LLGL2: variants seen among roughly 807,000 people sequenced by gnomAD.
LLGL2 encodes LLGL scribble cell polarity complex component 2, also known as LLGL2, scribble cell polarity complex component.
A neutral mutation model predicts 123.2 loss-of-function variants in LLGL2; 81 were observed. That is an observed-to-expected ratio of 0.66 (90% CI 0.55 to 0.79). The LOEUF is 0.79. LLGL2 is among the 30% of genes least tolerant of loss of function. The pLI, the probability that LLGL2 is intolerant of heterozygous loss-of-function variation, is 0.00. For missense variants in LLGL2, 1,273 were observed against 1,414.6 expected, an observed-to-expected ratio of 0.90 and a Z score of 1.61; for synonymous variants, 577 against 594.1, an observed-to-expected ratio of 0.97 and a Z score of 0.42.
At position 75,559,203 on chromosome 17, in the gene LLGL2, C is replaced by T; in HGVS notation, c.372-49C>T. ...AGTCAGGGGACCCCGTCCATGGCAT[C>T]TCCCCTGCTGGGCAGTGGTCGGCTC... is the stretch of plus-strand genomic sequence containing the variant. On this transcript the variant is annotated intron_variant, in intron 5 of 25. Transcript: ENST00000392550. This position sits in a 1 kb window ranked among gnomAD's most constrained non-coding sequence, Gnocchi z 4.6. 2 of 1,523,904 alleles carry T rather than the reference C, an allele frequency of 1.3e-6. No individual in the cohort carries two copies. Among genetic ancestry groups the T allele is most frequent in the Non-Finnish European group, 1.8e-6 (2 of 1,137,246 alleles). The allele number at this position is 1,523,904 out of a possible 1,614,324, so 94.4% of individuals were successfully genotyped here. A position where few individuals can be genotyped will look rare whatever the true frequency, so the allele number is the denominator to read the frequency against.
intron 1 of LLGL2, among the ~76,000 whole-genome samples, chr17:75,531,631 A>C (rs7502339): frequency 0.15 from 23,431 of 152,228 alleles, 2,247 homozygotes; most frequent in African/African-American, 0.26. Flanking sequence ...CAGTTTGCAG[A>C]GAGAAAACTG....
intron 1 of LLGL2, among the ~76,000 whole-genome samples, chr17:75,530,162 AT>A (rs2053723500): frequency 6.6e-6 from 1 of 152,024 alleles, no homozygotes; most frequent in Non-Finnish European, 1.5e-5. Context: ...GGTTTAGGGA[AT>A]TTGTCTTCTC....
chr17:75,528,467 G>A lies in LLGL2; in HGVS notation c.-31+2642G>A, dbSNP rs532227339. 1.5e-3 allele frequency among the ~76,000 whole-genome samples: 224 copies of A among 152,234 alleles called. 1 individual carries two copies. The highest frequency in any genetic ancestry group is 2.9e-3 in the Non-Finnish European group (195 of 68,002). ...ATTAAAAGAAAAAAAGGCCAGGCGT[G>A]GTGGCTTACACCTGTAATCTCAGCA... On this transcript the variant is annotated intron_variant, in intron 1 of 25. Coordinates refer to ENST00000392550, the MANE Select transcript of LLGL2 (RefSeq NM_001031803.2).
intron 7 of LLGL2, 33 bp downstream of exon 7, chr17:75,563,211 G>A (rs60263689): frequency 1.9e-6 from 3 of 1,611,038 alleles, no homozygotes; most frequent in Non-Finnish European, 2.5e-6. Context: ...CAGGCGCCAT[G>A]TTGCTCTCCC....
Position 75,559,187 on chromosome 17 carries a change from A to AC in LLGL2, c.372-61dup, listed in dbSNP as rs1375076249. 6.7e-7 allele frequency: 1 copy of AC among 1,482,886 alleles called. No individual in the cohort carries two copies. Among genetic ancestry groups the AC allele is most frequent in the Non-Finnish European group, 9.0e-7 (1 of 1,116,112 alleles). The allele number at this position is 1,482,886 out of a possible 1,614,324, so 91.9% of individuals were successfully genotyped here. On this transcript the variant is annotated intron_variant, in intron 5 of 25. Transcript: ENST00000392550. The surrounding 1 kb of genome is among the most constrained non-coding windows in gnomAD (Gnocchi z 4.6). ...GGCTTGTTTTCCGAGGAGTCAGGGG[A>AC]CCCCGTCCATGGCATCTCCCCTGCT...
chr17:75,533,990 GCTT>G (rs1568018386), intron 1 of LLGL2, among the ~76,000 whole-genome samples: 1 of 152,194 alleles, frequency 6.6e-6, no homozygotes. Context: ...ACATCTGGAA[GCTT>G]CTTGGGACAG....
chr17:75,568,673 A>G lies in LLGL2; in HGVS notation c.1234A>G (p.Asn412Asp), dbSNP rs1485346217. The G allele has an allele frequency of 1.2e-6, 2 of 1,613,512 alleles. No homozygotes were observed. The highest frequency in any genetic ancestry group is 1.7e-6 in the Non-Finnish European group (2 of 1,179,958). ...ERIIAAGSRQ[N>D]AHFSTMEWPI... ...GATCATTGCCGCCGGCAGCCGGCAG[A>G]ACGCACACTTCTCCACCATGGTAGG... The change falls in exon 11 of 26, where the codon AAC becomes GAC. Residue 412 changes from asparagine (N) to aspartate (D), a missense_variant. Asn to Asp is a conservative substitution (Grantham distance 23, BLOSUM62 1). Transcript: ENST00000392550.
chr17:75,573,060 C>T lies in LLGL2; in HGVS notation c.2507C>T (p.Thr836Met), dbSNP rs371517081. The change falls in exon 20 of 26, where the codon ACG (threonine) becomes ATG (methionine). Residue 836 changes from threonine to methionine, a missense_variant. Thr to Met is a moderately conservative substitution (Grantham distance 81). Coordinates refer to ENST00000392550, the MANE Select transcript of LLGL2 (RefSeq NM_001031803.2). ...AGTGCCAAGCTGAAGTTGAAGCTGA[C>T]GGCCCTGGAGGGCTCAAGAGTGCGG... ...KVSAKLKLKL[T>M]ALEGSRVRRV... 5.6e-6 allele frequency: 9 copies of T among 1,612,410 alleles called. No individual in the cohort carries two copies. The highest frequency in any genetic ancestry group is 1.3e-5 in the African/African-American group (1 of 75,006).
chr17:75,564,492 G>A lies in LLGL2; in HGVS notation c.1021G>A (p.Ala341Thr). 1.2e-6 allele frequency: 2 copies of A among 1,612,988 alleles called. No individual in the cohort carries two copies. The highest frequency in any genetic ancestry group is 2.2e-5 in the East Asian group (1 of 44,880). ...RVIGFTVLTE[A>T]DPAATFDDPY... ...CATCGGCTTCACTGTCCTCACAGAG[G>A]CAGACCCTGCAGCCAGTAGGAGAGC... The change falls in exon 10 of 26, where the codon GCA (alanine) becomes ACA (threonine). Residue 341 changes from alanine to threonine, a missense_variant. By Grantham distance (58) the Ala-to-Thr change is moderately conservative. Transcript: ENST00000392550. The surrounding 1 kb of genome is among the most constrained non-coding windows in gnomAD (Gnocchi z 4.9).
intron 1 of LLGL2, among the ~76,000 whole-genome samples, chr17:75,541,324 G>T (rs905660384): frequency 3.3e-5 from 5 of 152,242 alleles, no homozygotes; most frequent in African/African-American, 1.2e-4. Flanking sequence ...GGCCCCGGGT[G>T]GGGGTGTGAG....
At chr17:75,527,564 T>C (rs1241948306) in intron 1 of LLGL2, among the ~76,000 whole-genome samples, 1 of 151,998 alleles carries the variant, frequency 6.6e-6, no homozygotes, top group Non-Finnish European at 1.5e-5. Context: ...TAGAAAAAAG[T>C]AACTTTTTTC....
At chr17:75,527,922 G>A (rs1198330122) in intron 1 of LLGL2, among the ~76,000 whole-genome samples, 2 of 151,026 alleles carry the variant, frequency 1.3e-5, no homozygotes, top group African/African-American at 4.9e-5. Flanking sequence ...TGAGTAGCTG[G>A]GACTACAAGC....
upstream of LLGL2, chr17:75,525,086 G>A (rs572610734): frequency 1.3e-5 from 2 of 153,402 alleles, no homozygotes; most frequent in African/African-American, 2.4e-5. The surrounding 1 kb of genome is among the most constrained non-coding windows in gnomAD (Gnocchi z 4.8). Context: ...CGCCCTTTCC[G>A]CTCCCGCCTC....
chr17:75,570,455 G>C lies in LLGL2; in HGVS notation c.1982G>C (p.Arg661Pro). 6.3e-7 allele frequency: 1 copy of C among 1,594,514 alleles called. No individual in the cohort carries two copies. The highest frequency in any genetic ancestry group is 8.5e-7 in the Non-Finnish European group (1 of 1,171,792). Residue 661 changes from arginine to proline, a missense_variant, in exon 16 of 26, where the codon CGG (arginine) becomes CCG (proline). Arg to Pro is a moderately radical substitution (Grantham distance 103). Transcript: ENST00000392550. Reference protein sequence around the residue: ...RQSFRRMRRSRVSSRKRHPAG... With the variant: ...RQSFRRMRRSPVSSRKRHPAG... Reference sequence around the variant, plus strand: ...TCATTCCGCCGGATGCGTCGGAGCCGGGTGTCCAGCCGGAAGCGGCACCCG... The same window carrying C: ...TCATTCCGCCGGATGCGTCGGAGCCCGGTGTCCAGCCGGAAGCGGCACCCG...
chr17:75,551,271 G>A (rs2054659876), intron 2 of LLGL2, among the ~76,000 whole-genome samples: 1 of 152,122 alleles, frequency 6.6e-6, no homozygotes, highest in Non-Finnish European at 1.5e-5. Flanking sequence ...TGTGTGTGCT[G>A]CAGGGTGGCC....
In LLGL2 at chr17:75,569,999, C is replaced by T; in HGVS notation, c.1618C>T (p.Gln540Ter). ...GGAACTGAATGACGAGGCAGCGGAGCAGGCTGTGGAGCAGGTGGAGGCCGA... is the reference window on the plus strand; with the variant it reads ...GGAACTGAATGACGAGGCAGCGGAGTAGGCTGTGGAGCAGGTGGAGGCCGA... Reference protein sequence around the residue: ...VLELNDEAAEQAVEQVEADLL... With the variant: ...VLELNDEAAE The change falls in exon 15 of 26, where the codon CAG becomes TAG. Residue 540 changes from glutamine to a stop codon, truncating the protein, a stop_gained. Coordinates refer to ENST00000392550, the MANE Select transcript of LLGL2 (RefSeq NM_001031803.2). LOFTEE classifies it high-confidence loss of function. The T allele has an allele frequency of 6.2e-7, 1 of 1,608,184 alleles. No homozygotes were observed. The highest frequency in any genetic ancestry group is 1.1e-5 in the South Asian group (1 of 90,718).
chr17:75,563,595 C>T (rs2055320479), intron 8 of LLGL2, 132 bp downstream of exon 8: 4 of 1,482,974 alleles, frequency 2.7e-6, no homozygotes, highest in South Asian at 2.4e-5. Flanking sequence ...CAGCAGGGTT[C>T]GCCTCACCCA....
intron 1 of LLGL2, among the ~76,000 whole-genome samples, chr17:75,532,082 T>TACACACACACACAC (rs2053817635): frequency 3.2e-5 from 1 of 30,876 alleles, no homozygotes; most frequent in Non-Finnish European, 1.2e-4. Flanking sequence ...ACACACTTTT[T>TACACACACACACAC]TTTTTTTTTT....
In LLGL2 at chr17:75,544,715, G is replaced by C. The variant is rs1568030809; in HGVS notation, c.75+1214G>C. On this transcript the variant is annotated intron_variant, in intron 2 of 25. Transcript: ENST00000392550. The surrounding 1 kb of genome is among the most constrained non-coding windows in gnomAD (Gnocchi z 4.2). ...GGTCGTGGGGTGGAGGGACCTCCCT[G>C]ACCTCCCCGTTGGGAGAGGTGGGTC... 2.6e-5 allele frequency among the ~76,000 whole-genome samples: 4 copies of C among 152,228 alleles called. No individual in the cohort carries two copies. The highest frequency in any genetic ancestry group is 6.8e-3 in the Middle Eastern group (2 of 294).
Sources: gnomAD v4.1 joint callset for allele counts (sites outside exome capture counted in the v4.1 genomes callset) on GRCh38, gnomAD v4.1.1 for gene constraint, Gnocchi (gnomAD v3.1) non-coding constraint, MANE v1.5 for transcripts, NCBI Gene and HGNC (gene_info 2026-07-23, HGNC 2026-07-21) for gene names.